Variants in CC2D2B observed in about 807,000 individuals in gnomAD.
The protein encoded by CC2D2B is protein CC2D2B.
CC2D2B carries 128 observed loss-of-function variants against 161.2 expected under a neutral mutation model. The observed-to-expected ratio is 0.79, with a 90% confidence interval of 0.69 to 0.92. CC2D2B has a LOEUF of 0.92. CC2D2B is among the 40% of genes least tolerant of loss of function. The pLI is 0.00. For synonymous variants in CC2D2B, 391 were observed against 449.8 expected (o/e 0.87, Z 1.65); for missense variants, 1,173 against 1,375.1 (o/e 0.85, Z 2.32).
intron 11 of CC2D2B, among the ~76,000 whole-genome samples, chr10:95,959,569 G>A (rs190629464): frequency 8.5e-5 from 13 of 152,214 alleles, no homozygotes; most frequent in African/African-American, 2.9e-4. Context: ...TATTGCAACT[G>A]AATTTCACTC....
chr10:95,957,656 G>A (rs565357340), intron 11 of CC2D2B, among the ~76,000 whole-genome samples: 93 of 144,274 alleles, frequency 6.4e-4, no homozygotes, highest in Non-Finnish European at 1.2e-3. Flanking sequence ...CACTTCCCAG[G>A]TTCAAGCAAT....
At chr10:95,991,902 C>T (rs544875901) in intron 21 of CC2D2B, among the ~76,000 whole-genome samples, 1 of 152,090 alleles carries the variant, frequency 6.6e-6, no homozygotes, top group Non-Finnish European at 1.5e-5. Context: ...GTTGGGGGAG[C>T]GTTTGCTGAA....
At chr10:95,912,904 A>G (rs746096381) in intron 2 of CC2D2B, among the ~76,000 whole-genome samples, 1 of 152,168 alleles carries the variant, frequency 6.6e-6, no homozygotes, top group East Asian at 1.9e-4. Flanking sequence ...ATGTGTAATA[A>G]TCACATCAGG....
intron 17 of CC2D2B, among the ~76,000 whole-genome samples, chr10:95,977,272 G>T (rs1446351699): frequency 6.6e-6 from 1 of 152,148 alleles, no homozygotes; most frequent in African/African-American, 2.4e-5. Context: ...CTACCCAGGA[G>T]GCTGAGGCAG....
At position 96,025,204 on chromosome 10, in the gene CC2D2B, T is replaced by A. The variant is rs1197741803; in HGVS notation, c.3947+293T>A. The stretch of plus-strand genomic sequence containing the variant: ...ATATATAAAAAAAAATATATATATA[T>A]ATATATATATATATATAGCTGGGCA... On this transcript the variant is annotated intron_variant, in intron 33 of 34. Coordinates refer to ENST00000646931, the MANE Select transcript of CC2D2B (RefSeq NM_001349008.3). Among the ~76,000 whole-genome samples the A allele has an allele frequency of 3.1e-4, 39 of 125,630 alleles. 3 individuals carry two copies. Among genetic ancestry groups the A allele is most frequent in the South Asian group, 1.6e-3 (6 of 3,664 alleles). 82.4% of individuals were successfully genotyped at this position (125,630 alleles called of 152,430 possible).
intron 1 of CC2D2B, among the ~76,000 whole-genome samples, chr10:95,909,987 A>T (rs1156656564): frequency 2.0e-5 from 3 of 152,160 alleles, no homozygotes; most frequent in Non-Finnish European, 2.9e-5. Context: ...TCTGTACCTA[A>T]TAATAACAAT....
At chr10:95,973,924 A>G (rs2077229207) in intron 16 of CC2D2B, 85 bp from the exon 17 acceptor site, 1 of 671,506 alleles carries the variant, frequency 1.5e-6, no homozygotes, top group Non-Finnish European at 2.1e-6. Context: ...CTAGAGTTCC[A>G]CAAGTAAAAC....
chr10:95,981,620 T>C (rs76361273), intron 17 of CC2D2B, among the ~76,000 whole-genome samples: 6,040 of 152,290 alleles, frequency 0.04, 222 homozygotes, highest in African/African-American at 0.091. Flanking sequence ...TTTAATAAGT[T>C]ACTATGCTTA....
Position 96,012,460 on chromosome 10 carries a change from A to G in CC2D2B, c.3229-72A>G, listed in dbSNP as rs553482647. 2.7e-6 allele frequency: 3 copies of G among 1,113,876 alleles called. No individual in the cohort carries two copies. The East Asian group carries it at 7.2e-5, about 27-fold the overall frequency. The allele number at this position is 1,113,876 out of a possible 1,614,324, so 69.0% of individuals were successfully genotyped here. ...AATAATTTCAAAGATGGCAAAAATA[A>G]ACATTGGTTCTTGATATTTTCTTGT... On this transcript the variant is annotated intron_variant, in intron 27 of 34. Coordinates refer to ENST00000646931, the MANE Select transcript of CC2D2B (RefSeq NM_001349008.3).
chr10:95,949,787 T>G (rs957304962), intron 9 of CC2D2B, 109 bp from the exon 10 acceptor site: 3 of 396,520 alleles, frequency 7.6e-6, no homozygotes, highest in African/African-American at 6.2e-5. Flanking sequence ...TTTTTCTATA[T>G]CTCTTGATTT....
intron 2 of CC2D2B, among the ~76,000 whole-genome samples, chr10:95,912,541 T>G (rs2098508227): frequency 6.6e-6 from 1 of 151,998 alleles, no homozygotes; most frequent in South Asian, 2.1e-4. Context: ...GATACAGAAA[T>G]AAGTGGCCAC....
chr10:95,907,962 G>C (rs554910651), upstream of CC2D2B: 1 of 152,496 alleles, frequency 6.6e-6, no homozygotes, highest in Non-Finnish European at 1.5e-5. Flanking sequence ...GCTGGCGCAG[G>C]GTGCGGTGGG....
chr10:96,015,509 A>G (rs1479677660), intron 29 of CC2D2B, among the ~76,000 whole-genome samples: 1 of 151,030 alleles, frequency 6.6e-6, no homozygotes, highest in Non-Finnish European at 1.5e-5. Context: ...AGAGTTTTCT[A>G]AGAAAATGTT....
chr10:95,962,165 T>G (rs2076782523), intron 12 of CC2D2B, among the ~76,000 whole-genome samples, 196 bp downstream of exon 12: 1 of 152,028 alleles, frequency 6.6e-6, no homozygotes, highest in South Asian at 2.1e-4. Context: ...AAAGTGGAAT[T>G]CTTACAACTT....
intron 2 of CC2D2B, among the ~76,000 whole-genome samples, chr10:95,917,467 G>A (rs1057185415): frequency 4.0e-5 from 6 of 151,300 alleles, no homozygotes; most frequent in African/African-American, 1.2e-4. Context: ...CCATCCGTCC[G>A]TCCATCCGTC....
intron 10 of CC2D2B, among the ~76,000 whole-genome samples, chr10:95,951,918 G>A (rs546380989): frequency 2.6e-5 from 4 of 152,026 alleles, no homozygotes; most frequent in African/African-American, 7.2e-5. Flanking sequence ...ATTCTCTTAT[G>A]TGAATGTAAA....
intron 12 of CC2D2B, 61 bp from the exon 13 acceptor site, chr10:95,965,835 G>A (rs1810665919): frequency 1.5e-5 from 6 of 390,832 alleles, no homozygotes; most frequent in South Asian, 1.2e-4. Flanking sequence ...GCAAAATCTC[G>A]AACAACTCTC....
intron 6 of CC2D2B, among the ~76,000 whole-genome samples, chr10:95,932,609 TA>T (rs2075648466): frequency 6.6e-6 from 1 of 152,236 alleles, no homozygotes; most frequent in Non-Finnish European, 1.5e-5. Flanking sequence ...TGCTTGTCTG[TA>T]AAGGATTTTA....
chr10:95,961,451 C>T (rs111331742), intron 11 of CC2D2B: 110 of 152,806 alleles, frequency 7.2e-4, no homozygotes, highest in African/African-American at 2.4e-3. Context: ...CACTTGAACC[C>T]GGGAGATGGA....
Sources: gnomAD v4.1 joint callset for allele counts (sites outside exome capture counted in the v4.1 genomes callset) on GRCh38, gnomAD v4.1.1 for gene constraint, MANE v1.5 for transcripts, NCBI Gene and HGNC (gene_info 2026-07-23, HGNC 2026-07-21) for gene names.